KCNK17: variants seen among roughly 807,000 people sequenced by gnomAD.
KCNK17 encodes the protein potassium channel subfamily K member 17.
In KCNK17, 27 loss-of-function variants were observed where a neutral mutation model predicts 24.6. The ratio of observed to expected loss-of-function variants is 1.10; its 90% CI spans 0.81 to 1.51. The LOEUF is 1.51. KCNK17 is among the 40% of genes most tolerant of loss of function. KCNK17 has a pLI of 0.00. For synonymous variants in KCNK17, 181 were observed against 189.8 expected, an observed-to-expected ratio of 0.95 and a Z score of 0.38; for missense variants, 450 against 436.6, an observed-to-expected ratio of 1.03 and a Z score of -0.27.
chr6:39,302,931 C>A (rs568511223), intron 4 of KCNK17, among the ~76,000 whole-genome samples: 26 of 152,248 alleles, frequency 1.7e-4, no homozygotes, highest in African/African-American at 6.3e-4. Flanking sequence ...GGGATTGCCT[C>A]ATTTTATAGG....
chr6:39,304,089 G>C lies in KCNK17; in HGVS notation c.556C>G (p.Leu186Val). 1 of 1,612,222 alleles carries C rather than the reference G, an allele frequency of 6.2e-7. No homozygotes were observed. Among genetic ancestry groups the C allele is most frequent in the Non-Finnish European group, 8.5e-7 (1 of 1,179,972 alleles). ...AGCAGGAAGAGCAGGAGGCCCGAGA[G>C]GAGGGCGCCAGAGCCCGCCAGCCAC... is the stretch of plus-strand genomic sequence containing the variant. ...ARWLAGSGAL[L>V]SGLLLFLLLP... Residue 186 changes from leucine to valine, a missense_variant, in exon 4 of 5, where the codon CTC becomes GTC. Leu to Val is a conservative substitution (Grantham distance 32). Coordinates refer to ENST00000373231, the MANE Select transcript of KCNK17 (RefSeq NM_031460.4).
At chr6:39,313,189 C>G (rs1233893953) in intron 1 of KCNK17, among the ~76,000 whole-genome samples, 2 of 152,226 alleles carry the variant, frequency 1.3e-5, no homozygotes, top group East Asian at 1.9e-4. Context: ...AGTCTGGCGT[C>G]GCTTCAGTCC....
intron 4 of KCNK17, 67 bp downstream of exon 4, chr6:39,303,890 G>GGAGCAGATGAGTGAGAGGTAT: frequency 2.6e-6 from 4 of 1,543,572 alleles, no homozygotes; most frequent in Non-Finnish European, 3.5e-6. Context: ...GCCAGCTGCG[G>GGAGCAGATGAGTGAGAGGTAT]GAGCAGATGA....
chr6:39,313,060 G>A (rs972561628), intron 1 of KCNK17, among the ~76,000 whole-genome samples: 1 of 152,200 alleles, frequency 6.6e-6, no homozygotes, highest in Non-Finnish European at 1.5e-5. Context: ...CACCAGGACT[G>A]CAAGACGGGG....
Position 39,304,652 on chromosome 6 carries a change from T to C in KCNK17, c.356A>G (p.Tyr119Cys), listed in dbSNP as rs376940532. 2 of 1,608,586 alleles carry C rather than the reference T, an allele frequency of 1.2e-6. No homozygotes were observed. Among genetic ancestry groups the C allele is most frequent in the Non-Finnish European group, 1.7e-6 (2 of 1,175,468 alleles). The change falls in exon 3 of 5, where the codon TAT becomes TGT. Residue 119 changes from tyrosine (Y) to cysteine (C), a missense_variant. By Grantham distance (194) the Tyr-to-Cys change is radical (BLOSUM62 -2). Transcript: ENST00000373231. ...FSVSTITTIG[Y>C]GNLSPNTMAA... ...CATCGTGTTGGGGCTCAGGTTGCCA[T>C]AGCCTGAGGTGAGAGGGGGCACTCA...
chr6:39,307,179 G>A (rs1762052541), intron 2 of KCNK17, among the ~76,000 whole-genome samples: 1 of 152,136 alleles, frequency 6.6e-6, no homozygotes, highest in South Asian at 2.1e-4. Flanking sequence ...ACCTACAGTG[G>A]GGGGTAATGA....
At position 39,314,121 on chromosome 6, in the gene KCNK17, G is replaced by T. The variant is rs765250531; in HGVS notation, c.200C>A (p.Thr67Lys). 1.9e-6 allele frequency: 3 copies of T among 1,597,460 alleles called. No homozygotes were observed. The highest frequency in any genetic ancestry group is 8.5e-7 in the Non-Finnish European group (1 of 1,174,940). The change falls in exon 1 of 5, where the codon ACG becomes AAG. Residue 67 changes from threonine (T) to lysine (K), a missense_variant. Thr to Lys is a moderately conservative substitution (Grantham distance 78). Transcript: ENST00000373231. ...GTCCAGCGCCGGGCGGTCCAGACAC[G>T]TGAAGTTCTGCAACAGCTCCCACTT... ...RDKWELLQNF[T>K]CLDRPALDSL...
intron 4 of KCNK17, among the ~76,000 whole-genome samples, chr6:39,303,323 G>A (rs528689716): frequency 2.4e-4 from 36 of 152,304 alleles, no homozygotes; most frequent in Admixed American, 4.6e-4. Flanking sequence ...GAGCTGGGGC[G>A]CAGCCACTCC....
chr6:39,304,731 G>A, intron 2 of KCNK17, 76 bp from the exon 3 acceptor site: 1 of 1,511,732 alleles, frequency 6.6e-7, no homozygotes, highest in East Asian at 2.3e-5. Flanking sequence ...CCACTCCTGG[G>A]CCCAACCCCC....
chr6:39,312,929 G>A (rs1762167509), intron 1 of KCNK17, among the ~76,000 whole-genome samples: 1 of 152,180 alleles, frequency 6.6e-6, no homozygotes, highest in Admixed American at 6.5e-5. Context: ...TCACCGAATC[G>A]GCCTAGTCCG....
In KCNK17 at chr6:39,299,147, C is replaced by T. The variant is rs1761897607; in HGVS notation, c.*280G>A. ...CAAACATTGCCGCTACTTCATGGTG[C>T]CGTATGGCTGCCAGAGCTCCCAGCC... On this transcript the variant is annotated 3_prime_UTR_variant, in exon 5 of 5. Coordinates refer to ENST00000373231, the MANE Select transcript of KCNK17 (RefSeq NM_031460.4). The T allele has an allele frequency of 4.4e-6, 2 of 453,140 alleles. No homozygotes were observed. The highest frequency in any genetic ancestry group is 7.9e-6 in the Non-Finnish European group (2 of 252,520). 28.1% of individuals were successfully genotyped at this position (453,140 alleles called of 1,614,324 possible). A position where few individuals can be genotyped will look rare whatever the true frequency, so the allele number is the denominator to read the frequency against.
intron 1 of KCNK17, 107 bp downstream of exon 1, chr6:39,313,977 G>T: frequency 1.2e-6 from 1 of 856,590 alleles, no homozygotes; most frequent in Non-Finnish European, 1.7e-6. Context: ...CCCTGAACAG[G>T]AAACACCTGA....
rs1761895345 is a variant in KCNK17 at position 39,299,070 on chromosome 6, A to T, written c.*357T>A. On this transcript the variant is annotated 3_prime_UTR_variant, in exon 5 of 5. Coordinates refer to ENST00000373231, the MANE Select transcript of KCNK17 (RefSeq NM_031460.4). ...GTCGGGTGATATTCCGTTTGTTAGG[A>T]TGGCTCTGTGATCATCAGAGATCCA... The T allele has an allele frequency of 4.3e-6, 1 of 231,446 alleles. No individual in the cohort carries two copies. The highest frequency in any genetic ancestry group is 5.0e-5 in the Admixed American group (1 of 19,922). 14.3% of individuals were successfully genotyped at this position (231,446 alleles called of 1,614,324 possible). A position where few individuals can be genotyped will look rare whatever the true frequency, so the allele number is the denominator to read the frequency against.
rs1354887912 is a variant in KCNK17 at position 39,300,250 on chromosome 6, G to A, written c.689-513C>T. 3.7e-6 allele frequency: 2 copies of A among 541,684 alleles called. 1 individual carries two copies. Among genetic ancestry groups the A allele is most frequent in the South Asian group, 4.1e-5 (2 of 48,990 alleles). 33.6% of individuals were successfully genotyped at this position (541,684 alleles called of 1,614,324 possible). On this transcript the variant is annotated intron_variant, in intron 4 of 4. Transcript: ENST00000373231. ...CGATTCTCCTGCCTCAGCCTCCCGA[G>A]TAGCCGGGACTACAGGCGCCTGCCG...
intron 2 of KCNK17, among the ~76,000 whole-genome samples, chr6:39,306,343 C>G (rs1762037112): frequency 6.6e-6 from 1 of 152,202 alleles, no homozygotes; most frequent in African/African-American, 2.4e-5. Flanking sequence ...CGCACCCGGC[C>G]TGGGACTGGT....
intron 1 of KCNK17, 59 bp downstream of exon 1, chr6:39,314,025 C>T: frequency 7.4e-7 from 1 of 1,351,142 alleles, no homozygotes; most frequent in Non-Finnish European, 9.9e-7. Flanking sequence ...TCGGCCCGTA[C>T]ACCCCGCGGC....
chr6:39,303,914 G>A (rs1271101007), intron 4 of KCNK17, 43 bp downstream of exon 4: 5 of 1,596,500 alleles, frequency 3.1e-6, no homozygotes, highest in Non-Finnish European at 4.3e-6. Flanking sequence ...AGAGGTATAG[G>A]CAGCCGAATG....
rs751995979 is a variant in KCNK17 at position 39,310,946 on chromosome 6, C to T, written c.299G>A (p.Arg100His). Reference sequence around the variant, plus strand: ...GAAGAAGGAGCCCACGAGCTCCCAGCGCCCCATGCTGGTGGTGTTGCTGAG... The same window carrying T: ...GAAGAAGGAGCCCACGAGCTCCCAGTGCCCCATGCTGGTGGTGTTGCTGAG... ...SLLSNTTSMG[R>H]WELVGSFFFS... The change falls in exon 2 of 5, where the codon CGC becomes CAC. Residue 100 changes from arginine (R) to histidine (H), a missense_variant. By Grantham distance (29) the Arg-to-His change is conservative (BLOSUM62 0). Transcript: ENST00000373231. The T allele has an allele frequency of 6.8e-6, 11 of 1,609,250 alleles. No individual in the cohort carries two copies. The East Asian group carries it at 8.9e-5, about 13-fold the overall frequency.
chr6:39,314,003 G>T, intron 1 of KCNK17, 81 bp downstream of exon 1: 1 of 1,086,498 alleles, frequency 9.2e-7, no homozygotes, highest in Non-Finnish European at 1.3e-6. Context: ...GCCTGAATAG[G>T]CCCCCTCGCC....
Sources: allele counts gnomAD v4.1 joint callset (sites outside exome capture counted in the v4.1 genomes callset), GRCh38; gene constraint gnomAD v4.1.1; transcripts MANE v1.5; gene names NCBI Gene and HGNC (gene_info 2026-07-23, HGNC 2026-07-21).